The following IGSF10 variants were observed in gnomAD, a reference collection of about 807,000 sequenced individuals.
IGSF10 encodes the protein calvaria mechanical force protein 608.
IGSF10 carries 126 observed loss-of-function variants against 128.2 expected under a neutral mutation model. That is an observed-to-expected ratio of 0.98 (90% CI 0.85 to 1.14). The LOEUF (loss-of-function observed/expected upper bound fraction) is 1.14. IGSF10 is among the 50% of genes most tolerant of loss of function. The probability of loss-of-function intolerance (pLI) is 0.00; values close to 1 mark genes in which losing one functional copy is unlikely to be tolerated. For missense variants in IGSF10, 3,295 were observed against 3,149.8 expected (o/e 1.05, Z -1.10); for synonymous variants, 1,185 against 1,146.2 (o/e 1.03, Z -0.68).
chr3:151,537,726 AAAT>A, the IGSF10 span, among the ~76,000 whole-genome samples: 5 of 152,176 alleles, frequency 3.3e-5, no homozygotes, highest in Admixed American at 6.5e-5. Context: ...CTCTTAAAAA[AAAT>A]AATAATCTCT....
chr3:151,496,150 A>C, the IGSF10 span, among the ~76,000 whole-genome samples: 8 of 152,100 alleles, frequency 5.3e-5, no homozygotes, highest in Non-Finnish European at 5.9e-5. Flanking sequence ...TGGTTTCAGC[A>C]AAGTAGGTCT....
chr3:151,514,157 T>A, the IGSF10 span, among the ~76,000 whole-genome samples: 1 of 152,120 alleles, frequency 6.6e-6, no homozygotes. Flanking sequence ...AGAGCCCGCA[T>A]TGCCAAGTCA....
chr3:151,564,768 C>T, the IGSF10 span, among the ~76,000 whole-genome samples: 1 of 152,160 alleles, frequency 6.6e-6, no homozygotes, highest in Non-Finnish European at 1.5e-5. Flanking sequence ...AGCATAATGA[C>T]ATGTGAGTTA....
the IGSF10 span, among the ~76,000 whole-genome samples, chr3:151,572,694 A>G: frequency 1.3e-5 from 2 of 152,028 alleles, no homozygotes; most frequent in East Asian, 1.9e-4. Context: ...AAATTTTTGA[A>G]GGGTTTTTTT....
At chr3:151,510,982 G>C in the IGSF10 span, among the ~76,000 whole-genome samples, 11 of 152,198 alleles carry the variant, frequency 7.2e-5, no homozygotes, top group Non-Finnish European at 2.9e-5. Context: ...CCAAATCTAC[G>C]TCTAATTGGT....
the IGSF10 span, among the ~76,000 whole-genome samples, chr3:151,489,463 C>T: frequency 4.6e-5 from 7 of 152,276 alleles, no homozygotes; most frequent in Admixed American, 3.3e-4. Context: ...CCAGTGATCT[C>T]ATTACTGGGT....
chr3:151,537,241 T>G, the IGSF10 span, among the ~76,000 whole-genome samples: 2 of 152,136 alleles, frequency 1.3e-5, no homozygotes, highest in African/African-American at 4.8e-5. Flanking sequence ...ATTTACTCAA[T>G]ACGTATAGCA....
At chr3:151,617,649 A>AG in the IGSF10 span, among the ~76,000 whole-genome samples, 66 of 152,082 alleles carry the variant, frequency 4.3e-4, no homozygotes, top group Non-Finnish European at 2.1e-4. Context: ...TGAGGGTAGA[A>AG]TGAATCTACT....
the IGSF10 span, among the ~76,000 whole-genome samples, chr3:151,617,235 TC>T: frequency 7.7e-6 from 1 of 130,644 alleles, no homozygotes; most frequent in Admixed American, 7.6e-5. Flanking sequence ...CTCTTCTTCT[TC>T]TTCCTCCTCC....
chr3:151,447,498 A>G lies in IGSF10; in HGVS notation c.2483T>C (p.Ile828Thr), dbSNP rs1721265772. 1 of 1,613,978 alleles carries G rather than the reference A, an allele frequency of 6.2e-7. No homozygotes were observed. Among genetic ancestry groups the G allele is most frequent in the Non-Finnish European group, 8.5e-7 (1 of 1,179,990 alleles). ...TATGTTTGTCATAGGACTATCAGAT[A>G]TTGTTCTGGAGTCAGCAGTCACTGT... The part of the protein sequence containing the change: ...ARTVTADSRT[I>T]SDSPMTNINY... Residue 828 changes from isoleucine to threonine, a missense_variant, in exon 6 of 8, where the codon ATA becomes ACA. By Grantham distance (89) the Ile-to-Thr change is moderately conservative. Transcript: ENST00000282466.
the IGSF10 span, among the ~76,000 whole-genome samples, chr3:151,535,468 G>A: frequency 6.6e-6 from 1 of 152,132 alleles, no homozygotes; most frequent in African/African-American, 2.4e-5. Flanking sequence ...AGGGGAAAAG[G>A]TTGAAAATCT....
In IGSF10 at chr3:151,448,852, T is replaced by C; in HGVS notation, c.1129A>G (p.Ile377Val). 6.2e-7 allele frequency: 1 copy of C among 1,613,916 alleles called. No homozygotes were observed. ...GGAGAATCACTGTACAAAGCCAAAA[T>C]TTGCCACACTGGCTGAATGTGACCG... is the stretch of plus-strand genomic sequence containing the variant. ...DYGHIQPVWQILALYSDSPLI... is the reference protein window; with the variant it reads ...DYGHIQPVWQVLALYSDSPLI... Residue 377 changes from isoleucine (I) to valine (V), a missense_variant, in exon 6 of 8, where the codon ATT (isoleucine) becomes GTT (valine). By Grantham distance (29) the Ile-to-Val change is conservative (BLOSUM62 3). Coordinates refer to ENST00000282466, the MANE Select transcript of IGSF10 (RefSeq NM_178822.5).
chr3:151,460,045 T>C (rs980580120), intron 2 of IGSF10, among the ~76,000 whole-genome samples: 1 of 152,232 alleles, frequency 6.6e-6, no homozygotes, highest in Non-Finnish European at 1.5e-5. Context: ...AAGCTTTGTA[T>C]GATTGGAGAC....
the IGSF10 span, among the ~76,000 whole-genome samples, chr3:151,617,260 CTCTTCTTCTTCTTCTTCTTCTTCTTCT>C: frequency 7.2e-5 from 4 of 55,688 alleles, no homozygotes; most frequent in Admixed American, 3.9e-4. Context: ...TCTTCTCCTT[CTCTTCTTCTTCTTCTTCTTCTTCTTCT>C]TCTTCTTCTT....
rs117626279 is a variant in IGSF10 at position 151,456,281 on chromosome 3, T to G, written c.324+745A>C. Among the ~76,000 whole-genome samples the G allele has an allele frequency of 4.5e-4, 68 of 152,360 alleles. No homozygotes were observed. The East Asian group carries it at 0.012, about 28-fold the overall frequency. On this transcript the variant is annotated intron_variant, in intron 4 of 7. Coordinates refer to ENST00000282466, the MANE Select transcript of IGSF10 (RefSeq NM_178822.5). The stretch of plus-strand genomic sequence containing the variant: ...TAGAAGGCTCTATGAACACAGGTAC[T>G]TCATCTTTTACAAGGATATTATTGA...
intron 6 of IGSF10, 135 bp downstream of exon 6, chr3:151,444,784 G>T (rs1177462102): frequency 4.1e-6 from 3 of 738,078 alleles, no homozygotes; most frequent in Non-Finnish European, 6.4e-6. Flanking sequence ...AGTGTCAAAT[G>T]AGGATATTAA....
At chr3:151,521,508 C>A in the IGSF10 span, among the ~76,000 whole-genome samples, 5 of 151,890 alleles carry the variant, frequency 3.3e-5, no homozygotes, top group South Asian at 2.1e-4. Context: ...ATATCAAACA[C>A]ACTCTCAGAC....
In IGSF10 at chr3:151,437,760, T is replaced by C; in HGVS notation, c.6801A>G (p.Pro2267=). The C allele has an allele frequency of 6.2e-7, 1 of 1,613,968 alleles. No individual in the cohort carries two copies. Among genetic ancestry groups the C allele is most frequent in the Non-Finnish European group, 8.5e-7 (1 of 1,179,938 alleles). Residue 2267 remains proline, a synonymous_variant, in exon 8 of 8, where the codon CCA becomes CCG. Transcript: ENST00000282466. ...GCATGATCCACATGACTTCAGGAGA[T>C]GGTGTCCCTTCAGCTCTGCAGTCAA... The part of the protein sequence containing the change: ...KHFDCRAEGT[P]SPEVMWIMPD...
the IGSF10 span, among the ~76,000 whole-genome samples, chr3:151,468,789 T>C: frequency 2.0e-5 from 3 of 152,230 alleles, no homozygotes; most frequent in African/African-American, 7.2e-5. Context: ...GCAGGTTACA[T>C]AGGTAAATGT....
Sources: allele counts gnomAD v4.1 joint callset (sites outside exome capture counted in the v4.1 genomes callset), GRCh38; gene constraint gnomAD v4.1.1; transcripts MANE v1.5; gene names NCBI Gene and HGNC (gene_info 2026-07-23, HGNC 2026-07-21).